The following MACROD1 variants were observed in gnomAD, a reference collection of about 807,000 sequenced individuals.
MACROD1 encodes the protein ADP-ribose glycohydrolase MACROD1.
MACROD1 carries 31 observed loss-of-function variants against 41.4 expected under a neutral mutation model. The observed-to-expected ratio is 0.75, with a 90% CI of 0.56 to 1.01. The LOEUF (loss-of-function observed/expected upper bound fraction) is 1.01. Among genes scored for constraint, MACROD1 ranks in the 50% least tolerant of loss-of-function variants. The probability of loss-of-function intolerance (pLI) is 0.00; values close to 1 mark genes in which losing one functional copy is unlikely to be tolerated. For synonymous variants in MACROD1, 252 were observed against 203.4 expected (o/e 1.24, Z -2.03); for missense variants, 473 against 460.0 (o/e 1.03, Z -0.26).
At chr11:64,083,791 C>T (rs1590883808) in intron 3 of MACROD1, among the ~76,000 whole-genome samples, 1 of 152,144 alleles carries the variant, frequency 6.6e-6, no homozygotes, top group South Asian at 2.1e-4. Context: ...TTCCCAAGGT[C>T]AAGGGGTGAG....
chr11:64,110,000 G>A (rs1042025436), intron 3 of MACROD1, among the ~76,000 whole-genome samples: 9 of 152,090 alleles, frequency 5.9e-5, no homozygotes, highest in African/African-American at 1.9e-4. Flanking sequence ...AACTGGATGC[G>A]TCGGGGGCAT....
intron 3 of MACROD1, among the ~76,000 whole-genome samples, chr11:64,095,757 A>C (rs1944564578): frequency 6.6e-6 from 1 of 152,232 alleles, no homozygotes; most frequent in Admixed American, 6.5e-5. Flanking sequence ...GACCCCCAGC[A>C]CTAGCACGGA....
chr11:64,117,814 A>G (rs1212972131), intron 3 of MACROD1: 2 of 1,614,166 alleles, frequency 1.2e-6, no homozygotes, highest in Non-Finnish European at 1.7e-6. Flanking sequence ...AGCAATGCCT[A>G]CGTAGCTGAT....
intron 3 of MACROD1, among the ~76,000 whole-genome samples, chr11:64,046,144 C>T (rs1315654275): frequency 2.6e-5 from 4 of 152,278 alleles, no homozygotes; most frequent in South Asian, 4.1e-4. Context: ...GATGGGAACC[C>T]GGCTTCTCTT....
intron 3 of MACROD1, among the ~76,000 whole-genome samples, chr11:64,147,039 C>A (rs981964320): frequency 1.3e-5 from 2 of 152,148 alleles, no homozygotes; most frequent in Non-Finnish European, 2.9e-5. Flanking sequence ...GCCAGGAGAT[C>A]AGTAGGGAAA....
At chr11:64,026,685 G>A (rs1028066959) in intron 3 of MACROD1, among the ~76,000 whole-genome samples, 4 of 152,030 alleles carry the variant, frequency 2.6e-5, no homozygotes. Context: ...TCCCTCCATG[G>A]AGGCATGGCT....
chr11:64,068,814 G>A lies in MACROD1; in HGVS notation c.518-53533C>T, dbSNP rs572718283. Among the ~76,000 whole-genome samples the A allele has an allele frequency of 1.5e-3, 235 of 152,322 alleles. 1 individual carries two copies. The highest frequency in any genetic ancestry group is 5.3e-3 in the African/African-American group (222 of 41,568). Reference sequence around the variant, plus strand: ...TGGGCATGCTCCCCCATCCTTTGTGGGCCTGTGTCACTGAGCAGCCCTCCC... The same window carrying A: ...TGGGCATGCTCCCCCATCCTTTGTGAGCCTGTGTCACTGAGCAGCCCTCCC... On this transcript the variant is annotated intron_variant, in intron 3 of 10. Transcript: ENST00000255681.
intron 2 of MACROD1, 45 bp downstream of exon 2, chr11:64,152,241 AGCCACG>A: frequency 6.5e-7 from 1 of 1,530,080 alleles, no homozygotes; most frequent in Non-Finnish European, 9.1e-7. Flanking sequence ...AATTCTCCCA[AGCCACG>A]GGTCTGGAGC....
At chr11:64,070,636 C>A (rs773658198) in intron 3 of MACROD1, among the ~76,000 whole-genome samples, 10 of 152,328 alleles carry the variant, frequency 6.6e-5, no homozygotes, top group Non-Finnish European at 1.2e-4. Context: ...CCATAACTAA[C>A]ACTCGGGCTG....
chr11:64,022,046 G>C (rs548373289), intron 3 of MACROD1, among the ~76,000 whole-genome samples: 60 of 150,990 alleles, frequency 4.0e-4, no homozygotes, highest in Non-Finnish European at 6.5e-4. Flanking sequence ...AGGGGTGGGG[G>C]ACGAGGAGCA....
At chr11:64,128,035 A>G (rs2254709) in intron 3 of MACROD1, among the ~76,000 whole-genome samples, 145,783 of 152,306 alleles carry the variant, frequency 0.96, 70,089 homozygotes, top group Middle Eastern at 1. Context: ...TATATTCCAA[A>G]GAAGCAAAGT....
chr11:64,029,724 G>T (rs982810958), intron 3 of MACROD1, among the ~76,000 whole-genome samples: 2 of 152,132 alleles, frequency 1.3e-5, no homozygotes, highest in African/African-American at 4.8e-5. Context: ...GCTGAGGCTG[G>T]TGTCTCCACA....
intron 1 of MACROD1, among the ~76,000 whole-genome samples, chr11:64,163,229 C>T (rs1405782790): frequency 2.6e-5 from 4 of 151,846 alleles, no homozygotes; most frequent in African/African-American, 2.4e-5. Flanking sequence ...CACTTGAACC[C>T]GGGAAGCAGA....
chr11:64,153,403 T>C (rs1590974654), intron 1 of MACROD1, among the ~76,000 whole-genome samples: 1 of 151,818 alleles, frequency 6.6e-6, no homozygotes, highest in African/African-American at 2.4e-5. Flanking sequence ...GGGAGAGCAA[T>C]TAGAGGAGGT....
chr11:64,053,081 T>TG (rs1943723072), intron 3 of MACROD1, among the ~76,000 whole-genome samples: 1 of 152,156 alleles, frequency 6.6e-6, no homozygotes, highest in African/African-American at 2.4e-5. Context: ...TCTGATTCCC[T>TG]CCAGCACGCT....
rs1002590124 is a variant in MACROD1 at position 64,000,241 on chromosome 11, C to A, written c.650G>T (p.Arg217Leu). The A allele has an allele frequency of 6.2e-7, 1 of 1,605,914 alleles. No individual in the cohort carries two copies. The highest frequency in any genetic ancestry group is 8.5e-7 in the Non-Finnish European group (1 of 1,177,174). The change falls in exon 5 of 11, where the codon CGG becomes CTG. Residue 217 changes from arginine to leucine, a missense_variant. Physicochemically the swap from Arg to Leu is moderately radical, Grantham distance 102. Transcript: ENST00000255681. Reference protein sequence around the residue: ...TGKAKITGGYRLPAKYVIHTV... With the variant: ...TGKAKITGGYLLPAKYVIHTV... Reference sequence around the variant, plus strand: ...CGGGGACTCACACTTGGCCGGGAGCCGATAGCCGCCGGTGATCTTGGCCTT... The same window carrying A: ...CGGGGACTCACACTTGGCCGGGAGCAGATAGCCGCCGGTGATCTTGGCCTT...
intron 3 of MACROD1, among the ~76,000 whole-genome samples, chr11:64,027,548 CAGTG>C (rs1419268629): frequency 6.6e-6 from 1 of 152,158 alleles, no homozygotes; most frequent in Non-Finnish European, 1.5e-5. Context: ...TATGAAGACA[CAGTG>C]GTAGCTGTAG....
chr11:64,043,814 C>CTTTT (rs113497225), intron 3 of MACROD1, among the ~76,000 whole-genome samples: 1 of 144,534 alleles, frequency 6.9e-6, no homozygotes, highest in Non-Finnish European at 1.5e-5. Flanking sequence ...GACATGGCAT[C>CTTTT]TTTTTTTTTT....
intron 3 of MACROD1, among the ~76,000 whole-genome samples, chr11:64,060,957 G>C (rs1943890398): frequency 6.6e-6 from 1 of 151,678 alleles, no homozygotes. Context: ...GCGGCGGCGG[G>C]GCTCCCGGGC....
Sources: allele counts gnomAD v4.1 joint callset (sites outside exome capture counted in the v4.1 genomes callset), GRCh38; gene constraint gnomAD v4.1.1; transcripts MANE v1.5; gene names NCBI Gene and HGNC (gene_info 2026-07-23, HGNC 2026-07-21).